PIP5KL1: variants seen among roughly 807,000 people sequenced by gnomAD.
PIP5KL1 encodes the protein phosphatidylinositol-4-phosphate 5-kinase like 1.
In PIP5KL1, 45 loss-of-function variants were observed where a neutral mutation model predicts 47.6. That is an observed-to-expected ratio of 0.94 (90% confidence interval 0.74 to 1.21). PIP5KL1 has a LOEUF of 1.21. Ranked by LOEUF, PIP5KL1 falls within the 50% of genes most tolerant of loss-of-function variation. The probability of loss-of-function intolerance (pLI) is 0.00; values close to 1 mark genes in which losing one functional copy is unlikely to be tolerated. For missense variants in PIP5KL1, 577 were observed against 547.6 expected, an observed-to-expected ratio of 1.05 and a Z score of -0.54; for synonymous variants, 256 against 234.6, an observed-to-expected ratio of 1.09 and a Z score of -0.84.
chr9:127,921,548 T>G lies in PIP5KL1; in HGVS notation c.*299A>C. The G allele has an allele frequency of 1.8e-5, 6 of 333,902 alleles. No homozygotes were observed. The highest frequency in any genetic ancestry group is 4.2e-5 in the African/African-American group (2 of 47,202). 20.7% of individuals were successfully genotyped at this position (333,902 alleles called of 1,614,324 possible). Reference sequence around the variant, plus strand: ...CCATGGTTGAGTCCTGGTTCCAGCATTTATTGCTGAATGATCTTGATCAGT... The same window carrying G: ...CCATGGTTGAGTCCTGGTTCCAGCAGTTATTGCTGAATGATCTTGATCAGT... On this transcript the variant is annotated 3_prime_UTR_variant, in exon 10 of 10. Coordinates refer to ENST00000388747, the MANE Select transcript of PIP5KL1 (RefSeq NM_001135219.2).
In PIP5KL1 at chr9:127,920,982, C is replaced by G. The variant is rs1211454493; in HGVS notation, c.*865G>C. On this transcript the variant is annotated 3_prime_UTR_variant, in exon 10 of 10. Coordinates refer to ENST00000388747, the MANE Select transcript of PIP5KL1 (RefSeq NM_001135219.2). ...GCACAGAGAGGTTTAGCACCTTGCTCCAGTCACACAGCCAGGCCCCGGAGC... is the reference window on the plus strand; with the variant it reads ...GCACAGAGAGGTTTAGCACCTTGCTGCAGTCACACAGCCAGGCCCCGGAGC... 1 of 152,290 alleles carries G rather than the reference C, an allele frequency of 6.6e-6. No homozygotes were observed. Among genetic ancestry groups the G allele is most frequent in the East Asian group, 1.9e-4 (1 of 5,196 alleles). 9.4% of individuals were successfully genotyped at this position (152,290 alleles called of 1,614,324 possible). A position where few individuals can be genotyped will look rare whatever the true frequency, so the allele number is the denominator to read the frequency against.
At position 127,922,040 on chromosome 9, in the gene PIP5KL1, G is replaced by C; in HGVS notation, c.992C>G (p.Ala331Gly). Residue 331 changes from alanine (A) to glycine (G), a missense_variant, in exon 10 of 10, where the codon GCC (alanine) becomes GGC (glycine). By Grantham distance (60) the Ala-to-Gly change is moderately conservative. Coordinates refer to ENST00000388747, the MANE Select transcript of PIP5KL1 (RefSeq NM_001135219.2). ...NRRLLPDAPN[A>G]LHILDGPEQR... is the part of the protein sequence containing the mutation. ...CTCGGGCCCGTCCAGGATGTGTAGG[G>C]CGTTGGGGGCGTCGGGCAGCAGCCG... 6.4e-7 allele frequency: 1 copy of C among 1,568,864 alleles called. No individual in the cohort carries two copies. Among genetic ancestry groups the C allele is most frequent in the East Asian group, 2.4e-5 (1 of 42,140 alleles).
chr9:127,929,901 A>T lies in PIP5KL1; in HGVS notation c.31-16T>A. On this transcript the variant is annotated splice_polypyrimidine_tract_variant and intron_variant, in intron 1 of 9. Coordinates refer to ENST00000388747, the MANE Select transcript of PIP5KL1 (RefSeq NM_001135219.2). The surrounding 1 kb of genome is among the most constrained non-coding windows in gnomAD (Gnocchi z 4.0). Reference sequence around the variant, plus strand: ...GGGCCAGGACCTGGTGGGAGGAGGCACAGGACACAGCCTGTGGCAGCGTCA... The same window carrying T: ...GGGCCAGGACCTGGTGGGAGGAGGCTCAGGACACAGCCTGTGGCAGCGTCA... 2 of 1,511,894 alleles carry T rather than the reference A, an allele frequency of 1.3e-6. No homozygotes were observed. The highest frequency in any genetic ancestry group is 1.8e-6 in the Non-Finnish European group (2 of 1,127,686). The allele number at this position is 1,511,894 out of a possible 1,614,324, so 93.7% of individuals were successfully genotyped here.
intron 9 of PIP5KL1, among the ~76,000 whole-genome samples, chr9:127,924,571 G>T (rs149404314): frequency 6.7e-6 from 1 of 149,604 alleles, no homozygotes; most frequent in Non-Finnish European, 1.5e-5. Flanking sequence ...CAGGAGAATC[G>T]CTTGAATCGG....
rs1229898234 is a variant in PIP5KL1, at chr9:127,928,177, G to T, written c.322C>A (p.Leu108Met). The T allele has an allele frequency of 1.9e-6, 3 of 1,540,038 alleles. No individual in the cohort carries two copies. The East Asian group carries it at 7.3e-5, about 37-fold the overall frequency. Residue 108 changes from leucine to methionine, a missense_variant, in exon 4 of 10, where the codon CTG becomes ATG. Transcript: ENST00000388747. ...GTLAGPAFAW[L>M]RRSLGLAEED... ...TCCGCCAGGCCCAGGGAGCGGCGCAGCCAGGCAAAGGCGGGGCCGGCCAGC... is the reference window on the plus strand; with the variant it reads ...TCCGCCAGGCCCAGGGAGCGGCGCATCCAGGCAAAGGCGGGGCCGGCCAGC...
intron 7 of PIP5KL1, 107 bp from the exon 8 acceptor site, chr9:127,926,086 T>C (rs1013074893): frequency 1.2e-5 from 8 of 678,092 alleles, no homozygotes; most frequent in Non-Finnish European, 7.4e-6. Context: ...ACAGAGATCA[T>C]CCCCAGTCCT....
chr9:127,930,014 A>G, intron 1 of PIP5KL1, 129 bp from the exon 2 acceptor site: 4 of 937,874 alleles, frequency 4.3e-6, no homozygotes, highest in Non-Finnish European at 6.2e-6. Flanking sequence ...CTTCAGCTGT[A>G]AAATAGAGAT....
intron 3 of PIP5KL1, 24 bp from the exon 4 acceptor site, chr9:127,928,243 C>T (rs1831392160): frequency 6.5e-7 from 1 of 1,530,942 alleles, no homozygotes; most frequent in Admixed American, 2.1e-5. Context: ...AGAGCCTCCT[C>T]TGGAGTGTCT....
Position 127,925,105 on chromosome 9 carries a change from AC to A in PIP5KL1, c.917+1del, listed in dbSNP as rs763603955. 3.1e-6 allele frequency: 5 copies of A among 1,613,962 alleles called. No homozygotes were observed. The South Asian group carries it at 5.5e-5, about 18-fold the overall frequency. ...TCGCTGTTGCCCCTGTGGGAGGCTC[AC>A]CTGGCCGTGCGGAAGATGAGGCTGC... On this transcript the variant is annotated splice_donor_variant, in intron 9 of 9. Transcript: ENST00000388747. LOFTEE classifies it high-confidence loss of function.
In PIP5KL1 at chr9:127,927,463, C is replaced by G. The variant is rs1273694869; in HGVS notation, c.560-132G>C. 1 of 1,477,244 alleles carries G rather than the reference C, an allele frequency of 6.8e-7. No individual in the cohort carries two copies. The highest frequency in any genetic ancestry group is 1.4e-5 in the African/African-American group (1 of 71,586). 91.5% of individuals were successfully genotyped at this position (1,477,244 alleles called of 1,614,324 possible). ...CACCTGGACCCTTCCTTGGCTGGTC[C>G]GGATCCCGACCCGATCCCACCCCTA... On this transcript the variant is annotated intron_variant, in intron 5 of 9. Coordinates refer to ENST00000388747, the MANE Select transcript of PIP5KL1 (RefSeq NM_001135219.2). The surrounding 1 kb of genome is among the most constrained non-coding windows in gnomAD (Gnocchi z 5.5).
chr9:127,925,048 T>C, intron 9 of PIP5KL1, 59 bp downstream of exon 9: 1 of 1,590,168 alleles, frequency 6.3e-7, no homozygotes, highest in Non-Finnish European at 8.6e-7. Flanking sequence ...TGCCCCCATG[T>C]CTGTCTTTCC....
intron 1 of PIP5KL1, among the ~76,000 whole-genome samples, chr9:127,930,123 C>T (rs896762584): frequency 2.0e-5 from 3 of 152,216 alleles, no homozygotes; most frequent in African/African-American, 7.2e-5. Flanking sequence ...GTGCACTCTG[C>T]AGTCAAACCT....
chr9:127,924,213 G>A (rs1237384591), intron 9 of PIP5KL1, among the ~76,000 whole-genome samples: 1 of 152,040 alleles, frequency 6.6e-6, no homozygotes, highest in African/African-American at 2.4e-5. Context: ...CTAAAAATAC[G>A]AAAATTGGCC....
chr9:127,923,342 C>CT (rs1191641729), intron 9 of PIP5KL1, among the ~76,000 whole-genome samples: 1 of 151,930 alleles, frequency 6.6e-6, no homozygotes, highest in Non-Finnish European at 1.5e-5. Context: ...ACCCTGTGGG[C>CT]TACCTGGATG....
At chr9:127,928,271 T>G (rs996021459) in intron 3 of PIP5KL1, 52 bp from the exon 4 acceptor site, 3 of 1,531,796 alleles carry the variant, frequency 2.0e-6, no homozygotes, top group Non-Finnish European at 2.6e-6. Flanking sequence ...CCCGGGTGTG[T>G]GCAGTTGGTC....
intron 7 of PIP5KL1, among the ~76,000 whole-genome samples, chr9:127,926,934 G>A (rs1364839239): frequency 2.0e-5 from 3 of 152,202 alleles, no homozygotes; most frequent in East Asian, 3.9e-4. Context: ...CGTCCTTCTG[G>A]GAATTAAAAA....
At chr9:127,922,704 AAAAAAAAG>A (rs1378678071) in intron 9 of PIP5KL1, among the ~76,000 whole-genome samples, 95 of 150,892 alleles carry the variant, frequency 6.3e-4, no homozygotes, top group African/African-American at 2.1e-3. Flanking sequence ...CAAAAAAAAA[AAAAAAAAG>A]AAAAAAGAAA....
Position 127,927,763 on chromosome 9 carries a change from C to T in PIP5KL1, c.444G>A (p.Gln148=), listed in dbSNP as rs1431111460. The T allele has an allele frequency of 1.3e-6, 2 of 1,561,392 alleles. No individual in the cohort carries two copies. The highest frequency in any genetic ancestry group is 1.7e-6 in the Non-Finnish European group (2 of 1,154,062). Residue 148 remains glutamine (Q), a synonymous_variant, in exon 5 of 10, where the codon CAG becomes CAA. Transcript: ENST00000388747. The surrounding 1 kb of genome is among the most constrained non-coding windows in gnomAD (Gnocchi z 5.5). ...SKASFFLSHD[Q]RFFLKTQGRR... is the part of the protein sequence containing the mutation. ...GCCCCTGGGTCTTCAGGAAGAAGCG[C>T]TGGTCGTGGCTGGGGGGCAAGAGAA...
chr9:127,924,966 G>T, intron 9 of PIP5KL1, 141 bp downstream of exon 9: 1 of 1,069,398 alleles, frequency 9.4e-7, no homozygotes, highest in Non-Finnish European at 1.3e-6. Context: ...GCGCGCACAC[G>T]CACACACACA....
Sources: allele counts gnomAD v4.1 joint callset (sites outside exome capture counted in the v4.1 genomes callset), GRCh38; gene constraint gnomAD v4.1.1; non-coding constraint Gnocchi (gnomAD v3.1); transcripts MANE v1.5; gene names NCBI Gene and HGNC (gene_info 2026-07-23, HGNC 2026-07-21).